The following CDKAL1 variants were observed in gnomAD, a reference collection of about 807,000 sequenced individuals.
CDKAL1 encodes CDKAL1 threonylcarbamoyladenosine tRNA methylthiotransferase.
A neutral mutation model predicts 68.2 loss-of-function variants in CDKAL1; 32 were observed. That is an observed-to-expected ratio of 0.47 (90% CI 0.35 to 0.63). The LOEUF is 0.63. Ranked by LOEUF, CDKAL1 falls within the 30% of genes least tolerant of loss-of-function variation. The pLI is 0.00. For missense variants in CDKAL1, 606 were observed against 696.7 expected, an observed-to-expected ratio of 0.87 and a Z score of 1.47; for synonymous variants, 234 against 244.3, an observed-to-expected ratio of 0.96 and a Z score of 0.39.
In CDKAL1 at chr6:20,555,709, G is replaced by A. The variant is rs573654544; in HGVS notation, c.286+7004G>A. ...GCTATCTTAGCTCGCTGCAAGCTCC[G>A]CCTTCCAGGTTCACACCATTCTCCT... On this transcript the variant is annotated intron_variant, in intron 4 of 15. Transcript: ENST00000274695. Among the ~76,000 whole-genome samples, 21 of 138,594 alleles carry A rather than the reference G, an allele frequency of 1.5e-4. No homozygotes were observed. In the South Asian group the frequency reaches 1.5e-3, roughly 10 times the overall value. 90.9% of individuals were successfully genotyped at this position (138,594 alleles called of 152,430 possible). A position where few individuals can be genotyped will look rare whatever the true frequency, so the allele number is the denominator to read the frequency against.
chr6:20,672,256 TTC>T (rs774996323), intron 5 of CDKAL1, among the ~76,000 whole-genome samples: 10,108 of 119,930 alleles, frequency 0.084, 623 homozygotes, highest in East Asian at 0.41. Context: ...CTTTCTTTCT[TTC>T]TTTCTTTTTC....
At chr6:21,084,007 T>C (rs1384911764) in intron 12 of CDKAL1, among the ~76,000 whole-genome samples, 1 of 152,234 alleles carries the variant, frequency 6.6e-6, no homozygotes, top group Non-Finnish European at 1.5e-5. Context: ...AGGTGTTAGC[T>C]GGTTTGTCTA....
At chr6:20,643,926 G>A (rs1768309170) in intron 4 of CDKAL1, among the ~76,000 whole-genome samples, 1 of 152,230 alleles carries the variant, frequency 6.6e-6, no homozygotes, top group East Asian at 1.9e-4. Flanking sequence ...CTGGGATCAA[G>A]CGAATTTCCT....
chr6:21,047,130 G>A (rs1770283059), intron 11 of CDKAL1, among the ~76,000 whole-genome samples: 2 of 150,804 alleles, frequency 1.3e-5, no homozygotes, highest in African/African-American at 4.9e-5. Context: ...TCACCATGTT[G>A]CCCAGGTTGG....
At chr6:20,831,087 A>T (rs988978673) in intron 8 of CDKAL1, among the ~76,000 whole-genome samples, 1 of 152,170 alleles carries the variant, frequency 6.6e-6, no homozygotes, top group Admixed American at 6.5e-5. Context: ...TTGCGGTTTC[A>T]TACCATGAAT....
intron 6 of CDKAL1, among the ~76,000 whole-genome samples, chr6:20,740,061 A>G (rs1043075537): frequency 6.6e-6 from 1 of 151,958 alleles, no homozygotes; most frequent in African/African-American, 2.4e-5. Flanking sequence ...TTCTCTGCCT[A>G]CTCCGTGTAG....
Position 20,596,698 on chromosome 6 carries a change from G to A in CDKAL1, c.286+47993G>A, listed in dbSNP as rs561434735. On this transcript the variant is annotated intron_variant, in intron 4 of 15. Transcript: ENST00000274695. Reference sequence around the variant, plus strand: ...GTTCTTTCTCGCTTGCATTCTAGGCGCCACTAGGGTATGTAGAAAAACTCC... The same window carrying A: ...GTTCTTTCTCGCTTGCATTCTAGGCACCACTAGGGTATGTAGAAAAACTCC... 3.8e-3 allele frequency among the ~76,000 whole-genome samples: 574 copies of A among 152,284 alleles called. 3 individuals carry two copies. The highest frequency in any genetic ancestry group is 6.0e-3 in the Non-Finnish European group (405 of 68,028).
chr6:20,754,048 T>C (rs1390894773), intron 6 of CDKAL1, among the ~76,000 whole-genome samples: 2 of 152,038 alleles, frequency 1.3e-5, no homozygotes, highest in Non-Finnish European at 2.9e-5. Context: ...GGTGTGATCA[T>C]AGGTCACTGT....
chr6:21,175,651 G>T (rs1244777117), intron 13 of CDKAL1, among the ~76,000 whole-genome samples: 3 of 152,112 alleles, frequency 2.0e-5, no homozygotes, highest in Non-Finnish European at 4.4e-5. Flanking sequence ...AACCAGACAG[G>T]TTTAAAATTA....
At chr6:21,065,994 C>T (rs1771417294) in intron 12 of CDKAL1, among the ~76,000 whole-genome samples, 1 of 151,006 alleles carries the variant, frequency 6.6e-6, no homozygotes, top group Admixed American at 6.6e-5. Context: ...CTTTAATTAC[C>T]GCAATTACTT....
intron 12 of CDKAL1, among the ~76,000 whole-genome samples, chr6:21,096,122 T>A (rs553772126): frequency 6.6e-6 from 1 of 152,222 alleles, no homozygotes; most frequent in African/African-American, 2.4e-5. Context: ...AAACGAGTTG[T>A]GGGCTTATCT....
At chr6:20,747,156 T>C (rs958593549) in intron 6 of CDKAL1, among the ~76,000 whole-genome samples, 1 of 152,222 alleles carries the variant, frequency 6.6e-6, no homozygotes, top group African/African-American at 2.4e-5. Context: ...ATCAGTGTTG[T>C]CACAAATGAC....
chr6:21,031,884 A>C (rs542696437), intron 11 of CDKAL1, among the ~76,000 whole-genome samples: 2 of 151,902 alleles, frequency 1.3e-5, no homozygotes, highest in Non-Finnish European at 2.9e-5. Context: ...CCCATTACCT[A>C]TCCTTTGTCT....
At chr6:20,600,354 A>G (rs1261129674) in intron 4 of CDKAL1, among the ~76,000 whole-genome samples, 2 of 152,128 alleles carry the variant, frequency 1.3e-5, no homozygotes, top group African/African-American at 2.4e-5. Context: ...TTTTTAGAAC[A>G]GTGATTGCCT....
chr6:20,888,575 G>A (rs1474805949), intron 9 of CDKAL1, among the ~76,000 whole-genome samples: 1 of 126,444 alleles, frequency 7.9e-6, no homozygotes, highest in Non-Finnish European at 1.6e-5. Flanking sequence ...CTGTGTCCAT[G>A]TGTTCTCATT....
rs985007727 is a variant in CDKAL1 at position 20,534,471 on chromosome 6, G to A, written c.-153G>A. 6.5e-6 allele frequency: 1 copy of A among 152,760 alleles called. No individual in the cohort carries two copies. The highest frequency in any genetic ancestry group is 1.9e-4 in the East Asian group (1 of 5,338). The allele number at this position is 152,760 out of a possible 1,614,324, so 9.5% of individuals were successfully genotyped here. On this transcript the variant is annotated 5_prime_UTR_variant, in exon 1 of 16. Coordinates refer to ENST00000274695, the MANE Select transcript of CDKAL1 (RefSeq NM_017774.3). ...TGAGCATGCGCAAATAAACGTGGCG[G>A]GACGTATGTGTCATGGCGCTCTCCA... is the stretch of plus-strand genomic sequence containing the variant.
At chr6:20,611,411 G>T (rs1766611839) in intron 4 of CDKAL1, among the ~76,000 whole-genome samples, 1 of 152,122 alleles carries the variant, frequency 6.6e-6, no homozygotes, top group South Asian at 2.1e-4. Context: ...GATTACAGAT[G>T]ATTTTAAAGT....
At chr6:20,890,717 C>G (rs1050458251) in intron 9 of CDKAL1, among the ~76,000 whole-genome samples, 1 of 152,066 alleles carries the variant, frequency 6.6e-6, no homozygotes, top group Admixed American at 6.6e-5. Flanking sequence ...TGCTGTCATA[C>G]CATTAGTCTT....
At chr6:20,884,264 C>T (rs1017846936) in intron 9 of CDKAL1, among the ~76,000 whole-genome samples, 19 of 151,920 alleles carry the variant, frequency 1.3e-4, no homozygotes, top group Admixed American at 1.1e-3. Context: ...TCCAACACTT[C>T]ATCTCAGGAA....
Sources: gnomAD v4.1 joint callset for allele counts (sites outside exome capture counted in the v4.1 genomes callset) on GRCh38, gnomAD v4.1.1 for gene constraint, MANE v1.5 for transcripts, NCBI Gene and HGNC (gene_info 2026-07-23, HGNC 2026-07-21) for gene names.